SLC35F1: variants seen among roughly 807,000 people sequenced by gnomAD.
The protein encoded by SLC35F1 is chromosome 6 open reading frame 169.
A neutral mutation model predicts 48.7 loss-of-function variants in SLC35F1; 14 were observed. The ratio of observed to expected loss-of-function variants is 0.29; its 90% CI spans 0.19 to 0.45. The LOEUF (loss-of-function observed/expected upper bound fraction) is 0.45. Among genes scored for constraint, SLC35F1 ranks in the 20% least tolerant of loss-of-function variants. The pLI is 1.00. For synonymous variants in SLC35F1, 190 were observed against 202.2 expected, an observed-to-expected ratio of 0.94 and a Z score of 0.51; for missense variants, 404 against 500.0, an observed-to-expected ratio of 0.81 and a Z score of 1.83.
At chr6:118,205,542 C>T (rs772828141) in intron 2 of SLC35F1, among the ~76,000 whole-genome samples, 31 of 152,216 alleles carry the variant, frequency 2.0e-4, no homozygotes, top group Non-Finnish European at 3.7e-4. Context: ...AGAACACTTG[C>T]GCATTGCTGG....
At chr6:118,288,230 A>T (rs533477144) in intron 7 of SLC35F1, among the ~76,000 whole-genome samples, 20 of 152,178 alleles carry the variant, frequency 1.3e-4, no homozygotes, top group African/African-American at 4.1e-4. Context: ...TGTGAGCCCA[A>T]GTATCTGAGA....
chr6:118,167,997 G>T (rs566559030), intron 2 of SLC35F1, among the ~76,000 whole-genome samples: 15 of 152,118 alleles, frequency 9.9e-5, no homozygotes, highest in African/African-American at 3.4e-4. Flanking sequence ...CATTATAACC[G>T]CTAGAATCAA....
intron 2 of SLC35F1, among the ~76,000 whole-genome samples, chr6:118,218,493 T>A (rs983677613): frequency 6.6e-6 from 1 of 152,222 alleles, no homozygotes; most frequent in Non-Finnish European, 1.5e-5. Context: ...TAAAAAGGGC[T>A]GATGGGCTTA....
intron 1 of SLC35F1, among the ~76,000 whole-genome samples, chr6:118,105,906 T>G (rs929980395): frequency 2.0e-5 from 3 of 152,190 alleles, no homozygotes; most frequent in African/African-American, 7.2e-5. Context: ...GATCACCAAC[T>G]TCAAAGGACC....
At chr6:117,967,365 C>G (rs1363568902) in intron 1 of SLC35F1, among the ~76,000 whole-genome samples, 1 of 152,124 alleles carries the variant, frequency 6.6e-6, no homozygotes, top group Non-Finnish European at 1.5e-5. Flanking sequence ...ATTCTGTCAT[C>G]AAAAACTCCA....
chr6:118,252,530 A>T (rs1775587763), intron 3 of SLC35F1, among the ~76,000 whole-genome samples: 1 of 152,100 alleles, frequency 6.6e-6, no homozygotes, highest in South Asian at 2.1e-4. Context: ...TTGGTCATGT[A>T]GATTTGAGTT....
chr6:118,087,167 T>C (rs750301921), intron 1 of SLC35F1, among the ~76,000 whole-genome samples: 10 of 152,110 alleles, frequency 6.6e-5, no homozygotes, highest in Admixed American at 6.6e-4. Flanking sequence ...GTCAGCAGGA[T>C]TGGTTTCTTT....
At chr6:117,968,283 A>T (rs1776596546) in intron 1 of SLC35F1, among the ~76,000 whole-genome samples, 1 of 152,170 alleles carries the variant, frequency 6.6e-6, no homozygotes, top group Non-Finnish European at 1.5e-5. Flanking sequence ...TCTCACTGAG[A>T]ACAGCTTTCC....
chr6:118,147,070 G>C (rs1442277204), intron 1 of SLC35F1, among the ~76,000 whole-genome samples: 1 of 152,126 alleles, frequency 6.6e-6, no homozygotes, highest in Non-Finnish European at 1.5e-5. Flanking sequence ...GATTGAGGAA[G>C]GCAAAGAGGG....
chr6:118,018,390 A>C (rs551584598), intron 1 of SLC35F1, among the ~76,000 whole-genome samples: 1 of 152,206 alleles, frequency 6.6e-6, no homozygotes, highest in East Asian at 1.9e-4. Flanking sequence ...AAGAAAAAAG[A>C]AAAAAAGGCA....
chr6:117,921,742 TG>T (rs1775902195), intron 1 of SLC35F1, among the ~76,000 whole-genome samples: 1 of 152,242 alleles, frequency 6.6e-6, no homozygotes, highest in African/African-American at 2.4e-5. Context: ...ATTACTTCCC[TG>T]GCCCCAAAGT....
chr6:118,263,731 T>C (rs1168649131), intron 3 of SLC35F1, among the ~76,000 whole-genome samples: 1 of 152,222 alleles, frequency 6.6e-6, no homozygotes, highest in Non-Finnish European at 1.5e-5. Flanking sequence ...ATAATGCTTC[T>C]CTTTTCTACT....
chr6:118,100,741 G>A (rs1199751987), intron 1 of SLC35F1, among the ~76,000 whole-genome samples: 1 of 152,120 alleles, frequency 6.6e-6, no homozygotes, highest in Non-Finnish European at 1.5e-5. Context: ...AGGCGTGCTG[G>A]ATTGAATCAT....
At chr6:118,271,001 A>G (rs1775844661) in intron 4 of SLC35F1, among the ~76,000 whole-genome samples, 1 of 152,206 alleles carries the variant, frequency 6.6e-6, no homozygotes, top group African/African-American at 2.4e-5. Context: ...TAGTTCATTT[A>G]TCAAAGATGT....
At chr6:118,105,335 G>A (rs1773313368) in intron 1 of SLC35F1, among the ~76,000 whole-genome samples, 2 of 152,122 alleles carry the variant, frequency 1.3e-5, no homozygotes, top group Non-Finnish European at 2.9e-5. Flanking sequence ...AACATCCTGG[G>A]CCTTAGATCC....
intron 2 of SLC35F1, among the ~76,000 whole-genome samples, chr6:118,231,074 G>A (rs1051908904): frequency 6.6e-6 from 1 of 152,186 alleles, no homozygotes; most frequent in Non-Finnish European, 1.5e-5. Context: ...CAGGGACAGA[G>A]AGGGGACTTT....
At chr6:117,957,051 G>T (rs1263335611) in intron 1 of SLC35F1, among the ~76,000 whole-genome samples, 1 of 152,144 alleles carries the variant, frequency 6.6e-6, no homozygotes, top group Non-Finnish European at 1.5e-5. Context: ...CTTTAGCCAT[G>T]TGCTTGGTGG....
chr6:118,283,456 T>C (rs147630434), intron 6 of SLC35F1, among the ~76,000 whole-genome samples: 10 of 152,258 alleles, frequency 6.6e-5, no homozygotes, highest in African/African-American at 2.4e-4. Context: ...AGAATAATAG[T>C]TGAATAAATG....
chr6:118,174,278 A>C lies in SLC35F1; in HGVS notation c.349+19658A>C, dbSNP rs532201096. ...TCATAGATGTTAGAATTATCAGCAA[A>C]TTATCAAACTTAACTATGATAAAAA... On this transcript the variant is annotated intron_variant, in intron 2 of 7. Coordinates refer to ENST00000360388, the MANE Select transcript of SLC35F1 (RefSeq NM_001029858.4). 1.1e-4 allele frequency among the ~76,000 whole-genome samples: 16 copies of C among 152,306 alleles called. No individual in the cohort carries two copies. In the East Asian group the frequency reaches 3.1e-3, roughly 29 times the overall value.
Sources: allele counts gnomAD v4.1 joint callset (sites outside exome capture counted in the v4.1 genomes callset), GRCh38; gene constraint gnomAD v4.1.1; transcripts MANE v1.5; gene names NCBI Gene and HGNC (gene_info 2026-07-23, HGNC 2026-07-21).